AOPEP: variants seen among roughly 807,000 people sequenced by gnomAD.
AOPEP encodes the protein aminopeptidase O (putative), also known as aminopeptidase O.
AOPEP carries 77 observed loss-of-function variants against 98.1 expected under a neutral mutation model. That is an observed-to-expected ratio of 0.78 (90% CI 0.65 to 0.95). AOPEP has a LOEUF of 0.95. AOPEP is among the 40% of genes least tolerant of loss of function. The probability of loss-of-function intolerance (pLI) is 0.00; values close to 1 mark genes in which losing one functional copy is unlikely to be tolerated. For synonymous variants in AOPEP, 346 were observed against 365.3 expected (o/e 0.95, Z 0.60); for missense variants, 1,024 against 1,024.7 (o/e 1.00, Z 0.01).
intron 1 of AOPEP, among the ~76,000 whole-genome samples, chr9:94,745,203 C>T (rs1047485294): frequency 7.2e-5 from 11 of 152,130 alleles, no homozygotes; most frequent in African/African-American, 2.7e-4. Context: ...TACCCATTAA[C>T]CATCCCCGTT....
chr9:94,736,794 T>C (rs1831877092), intron 1 of AOPEP, among the ~76,000 whole-genome samples: 2 of 152,188 alleles, frequency 1.3e-5, no homozygotes, highest in Admixed American at 1.3e-4. Flanking sequence ...TTGCATCTGC[T>C]CTCCTCATAC....
At chr9:94,773,211 T>C (rs1841282515) in intron 3 of AOPEP, 43 bp downstream of exon 3, 2 of 1,539,798 alleles carry the variant, frequency 1.3e-6, no homozygotes, top group Non-Finnish European at 1.8e-6. Flanking sequence ...ATTGCACACA[T>C]GTGGACCCAG....
chr9:94,745,030 A>G (rs577640560), intron 1 of AOPEP, among the ~76,000 whole-genome samples: 1 of 152,246 alleles, frequency 6.6e-6, no homozygotes, highest in South Asian at 2.1e-4. Context: ...CATCAGGGAA[A>G]TGGGGTATCC....
chr9:94,803,144 C>G lies in AOPEP; in HGVS notation c.1364+2142C>G, dbSNP rs138282722. 1.2e-3 allele frequency among the ~76,000 whole-genome samples: 178 copies of G among 152,256 alleles called. 1 individual carries two copies. Among genetic ancestry groups the G allele is most frequent in the African/African-American group, 4.2e-3 (173 of 41,542 alleles). On this transcript the variant is annotated intron_variant, in intron 5 of 16. Coordinates refer to ENST00000375315, the MANE Select transcript of AOPEP (RefSeq NM_001193329.3). ...AAACCTCAAGGCTAGGAGGAGTCAT[C>G]CAAAAAGACCTCCATACTGAAACCT...
intron 6 of AOPEP, among the ~76,000 whole-genome samples, chr9:94,927,999 G>T (rs550565983): frequency 1.3e-5 from 2 of 152,214 alleles, no homozygotes; most frequent in African/African-American, 2.4e-5. Flanking sequence ...AGCAGGCCCC[G>T]CTGGAAACAG....
At chr9:94,828,225 A>G (rs751925038) in intron 5 of AOPEP, among the ~76,000 whole-genome samples, 3 of 152,182 alleles carry the variant, frequency 2.0e-5, no homozygotes, top group Non-Finnish European at 4.4e-5. Context: ...ATGAAGCCCA[A>G]TTTATCTACT....
chr9:94,900,110 G>GGGGGGTCAGAGGAT (rs2050187456), intron 5 of AOPEP, among the ~76,000 whole-genome samples: 1 of 152,202 alleles, frequency 6.6e-6, no homozygotes, highest in Non-Finnish European at 1.5e-5. Context: ...GCACTGGGCA[G>GGGGGGTCAGAGGAT]GGGGGTCAGA....
intron 14 of AOPEP, among the ~76,000 whole-genome samples, chr9:95,063,743 G>C (rs1487999310): frequency 2.6e-5 from 4 of 152,194 alleles, no homozygotes; most frequent in Non-Finnish European, 5.9e-5. Context: ...TCCGAGATTG[G>C]ATTGGAGCAA....
chr9:95,008,462 C>A (rs1044221312), intron 13 of AOPEP, among the ~76,000 whole-genome samples: 1 of 152,190 alleles, frequency 6.6e-6, no homozygotes, highest in Non-Finnish European at 1.5e-5. Flanking sequence ...AGAACGGCAT[C>A]TTCCAGGGAT....
Position 95,082,626 on chromosome 9 carries a change from C to G in AOPEP, c.2371C>G (p.Gln791Glu), listed in dbSNP as rs1204450631. The change falls in exon 16 of 17, where the codon CAG becomes GAG. Residue 791 changes from glutamine to glutamate, a missense_variant. By Grantham distance (29) the Gln-to-Glu change is conservative. Coordinates refer to ENST00000375315, the MANE Select transcript of AOPEP (RefSeq NM_001193329.3). ...GELMVSEDAR[Q>E]QQLARRCFER... ...GCTGATGGTGAGTGAGGACGCCAGA[C>G]AGCAGCAGCTCGCCCGTAGGTGCTT... The G allele has an allele frequency of 3.1e-6, 5 of 1,614,114 alleles. No homozygotes were observed. Among genetic ancestry groups the G allele is most frequent in the African/African-American group, 1.3e-5 (1 of 74,940 alleles).
At chr9:95,114,248 C>T in the AOPEP span, 1 of 341,380 alleles carries the variant, frequency 2.9e-6, no homozygotes. Flanking sequence ...GGGAAGACCA[C>T]AGGACCCAAA....
intron 2 of AOPEP, among the ~76,000 whole-genome samples, chr9:94,767,976 C>T (rs1259183135): frequency 6.6e-6 from 1 of 152,120 alleles, no homozygotes; most frequent in East Asian, 1.9e-4. Flanking sequence ...AGTTCTGGTT[C>T]TTTGTGGCAC....
At chr9:94,742,856 T>G (rs1833475962) in intron 1 of AOPEP, among the ~76,000 whole-genome samples, 1 of 152,204 alleles carries the variant, frequency 6.6e-6, no homozygotes, top group Non-Finnish European at 1.5e-5. Flanking sequence ...TTTATTATAT[T>G]TTATGAAAGT....
chr9:94,754,549 A>G (rs577566739), intron 1 of AOPEP, among the ~76,000 whole-genome samples: 1 of 152,354 alleles, frequency 6.6e-6, no homozygotes, highest in East Asian at 1.9e-4. Context: ...TAGTTAAGCA[A>G]TAACTTAGCA....
At chr9:95,023,243 A>G (rs1480823804) in intron 13 of AOPEP, among the ~76,000 whole-genome samples, 1 of 152,206 alleles carries the variant, frequency 6.6e-6, no homozygotes, top group Non-Finnish European at 1.5e-5. Flanking sequence ...GGAACAGAAG[A>G]TGTTCCTGAG....
intron 13 of AOPEP, among the ~76,000 whole-genome samples, chr9:95,010,533 G>A (rs932962082): frequency 3.9e-5 from 6 of 152,244 alleles, no homozygotes; most frequent in Non-Finnish European, 8.8e-5. Flanking sequence ...CAACATTGCA[G>A]TTGAGTGCTT....
chr9:94,871,018 T>A (rs1443715223), intron 5 of AOPEP, among the ~76,000 whole-genome samples: 2 of 152,186 alleles, frequency 1.3e-5, no homozygotes, highest in African/African-American at 4.8e-5. Context: ...CCACTCCTTT[T>A]TCAGCCCTCC....
the AOPEP span, among the ~76,000 whole-genome samples, chr9:95,145,888 CA>C: frequency 6.6e-6 from 1 of 151,436 alleles, no homozygotes. Context: ...AATTTCAAAA[CA>C]AAAAACAAAG....
At chr9:95,072,446 G>A (rs936485856) in intron 14 of AOPEP, among the ~76,000 whole-genome samples, 1 of 152,112 alleles carries the variant, frequency 6.6e-6, no homozygotes, top group African/African-American at 2.4e-5. Context: ...CTTGAGCCCA[G>A]GAGTTTTTGT....
Sources: gnomAD v4.1 joint callset for allele counts (sites outside exome capture counted in the v4.1 genomes callset) on GRCh38, gnomAD v4.1.1 for gene constraint, MANE v1.5 for transcripts, NCBI Gene and HGNC (gene_info 2026-07-23, HGNC 2026-07-21) for gene names.